Variants in DNAH11 observed in about 807,000 individuals in gnomAD.
DNAH11 encodes the protein dynein axonemal heavy chain 11, also known as axonemal beta dynein heavy chain 11.
DNAH11 carries 442 observed loss-of-function variants against 526.0 expected under a neutral mutation model. The ratio of observed to expected loss-of-function variants is 0.84; its 90% CI spans 0.78 to 0.91. The LOEUF (loss-of-function observed/expected upper bound fraction) is 0.91, where lower values mean the gene tolerates loss of function less well. Ranked by LOEUF, DNAH11 falls within the 40% of genes least tolerant of loss-of-function variation. The pLI is 0.00. For missense variants in DNAH11, 6,989 were observed against 5,448.7 expected (o/e 1.28, Z -8.90); for synonymous variants, 2,461 against 1,935.9 (o/e 1.27, Z -7.12).
chr7:21,871,682 A>G (rs1328321774), intron 73 of DNAH11, among the ~76,000 whole-genome samples: 1 of 152,206 alleles, frequency 6.6e-6, no homozygotes, highest in African/African-American at 2.4e-5. Flanking sequence ...GTTAGTAAGC[A>G]TGTAAAGGAG....
chr7:21,792,810 T>C (rs916466716), intron 61 of DNAH11, among the ~76,000 whole-genome samples: 2 of 152,130 alleles, frequency 1.3e-5, no homozygotes, highest in Non-Finnish European at 2.9e-5. Flanking sequence ...GTTGATTTTG[T>C]TTATCTTTTG....
chr7:21,564,436 G>C, intron 6 of DNAH11, 39 bp downstream of exon 6: 6 of 1,491,918 alleles, frequency 4.0e-6, no homozygotes, highest in Non-Finnish European at 5.6e-6. Flanking sequence ...AAGAATTGTT[G>C]CTGTGAGGTA....
In DNAH11 at chr7:21,840,705, T is replaced by G. The variant is rs556420984; in HGVS notation, c.10692-1839T>G. Among the ~76,000 whole-genome samples the G allele has an allele frequency of 1.7e-4, 26 of 152,300 alleles. No individual in the cohort carries two copies. In the South Asian group the frequency reaches 5.0e-3, roughly 29 times the overall value. On this transcript the variant is annotated intron_variant, in intron 65 of 81. Transcript: ENST00000409508. Reference sequence around the variant, plus strand: ...CATGTACCCCATAAATACATATGATTACTACGTACCCTTAAATTAAAAAAA... The same window carrying G: ...CATGTACCCCATAAATACATATGATGACTACGTACCCTTAAATTAAAAAAA...
At chr7:21,731,371 C>G (rs1234540554) in intron 45 of DNAH11, among the ~76,000 whole-genome samples, 2 of 152,064 alleles carry the variant, frequency 1.3e-5, no homozygotes, top group African/African-American at 4.8e-5. Flanking sequence ...GAAAGATGAT[C>G]ATGGCCATGT....
rs752376981 is a variant in DNAH11, at chr7:21,615,099, A to G, written c.3853-15A>G. ...TCTGGCAGTTTGTATGCAGGTGTTT[A>G]TGTTCTCTCCTTAGGCAAATGAAGA... On this transcript the variant is annotated splice_polypyrimidine_tract_variant and intron_variant, in intron 20 of 81. Transcript: ENST00000409508. 5.0e-6 allele frequency: 8 copies of G among 1,595,252 alleles called. No individual in the cohort carries two copies. The African/African-American group carries it at 6.8e-5, about 14-fold the overall frequency.
intron 76 of DNAH11, among the ~76,000 whole-genome samples, chr7:21,889,327 G>C (rs183033753): frequency 2.0e-4 from 31 of 152,130 alleles, no homozygotes; most frequent in African/African-American, 7.5e-4. Context: ...TCTCCTTCTT[G>C]GCTATTATGA....
intron 30 of DNAH11, among the ~76,000 whole-genome samples, chr7:21,661,899 A>C (rs1782256245): frequency 6.6e-6 from 1 of 151,990 alleles, no homozygotes; most frequent in Non-Finnish European, 1.5e-5. Flanking sequence ...AGCTCACTGC[A>C]ACCTCTACCT....
intron 2 of DNAH11, among the ~76,000 whole-genome samples, chr7:21,551,264 A>G (rs1039401381): frequency 2.6e-5 from 4 of 152,124 alleles, no homozygotes; most frequent in Non-Finnish European, 5.9e-5. Context: ...CTTGTCTTCT[A>G]ATTTCCTCGT....
chr7:21,715,242 T>C (rs1356381955), intron 42 of DNAH11, among the ~76,000 whole-genome samples: 1 of 152,134 alleles, frequency 6.6e-6, no homozygotes, highest in East Asian at 1.9e-4. Flanking sequence ...GCCTGAGTAA[T>C]AAATAAAAAG....
chr7:21,605,344 G>C (rs79156095), intron 18 of DNAH11, among the ~76,000 whole-genome samples: 3 of 152,210 alleles, frequency 2.0e-5, no homozygotes, highest in Non-Finnish European at 2.9e-5. Context: ...GGAGATGACC[G>C]AGAGGAACAA....
chr7:21,876,208 G>A (rs1583801487), intron 74 of DNAH11, among the ~76,000 whole-genome samples: 2 of 152,202 alleles, frequency 1.3e-5, no homozygotes, highest in Admixed American at 1.3e-4. Flanking sequence ...CTTATTTAGT[G>A]GAGAGGATCC....
rs2128052334 is a variant in DNAH11, at chr7:21,900,016, C to T, written c.13199C>T (p.Pro4400Leu). 1.2e-6 allele frequency: 2 copies of T among 1,613,830 alleles called. No homozygotes were observed. Among genetic ancestry groups the T allele is most frequent in the Non-Finnish European group, 1.7e-6 (2 of 1,179,826 alleles). Residue 4400 changes from proline (P) to leucine (L), a missense_variant, in exon 81 of 82, where the codon CCC (proline) becomes CTC (leucine). By Grantham distance (98) the Pro-to-Leu change is moderately conservative. Coordinates refer to ENST00000409508, the MANE Select transcript of DNAH11 (RefSeq NM_001277115.2). The stretch of plus-strand genomic sequence containing the variant: ...ACGATGGCTCGAAAAAATGAGTGGC[C>T]CCTGGATAAAACGCGCTTGACTGCT... Reference protein sequence around the residue: ...MQTMARKNEWPLDKTRLTADV... With the variant: ...MQTMARKNEWLLDKTRLTADV...
intron 25 of DNAH11, among the ~76,000 whole-genome samples, chr7:21,635,457 AT>A (rs1342980173): frequency 6.6e-6 from 1 of 151,994 alleles, no homozygotes; most frequent in Non-Finnish European, 1.5e-5. Flanking sequence ...TGCCCGGCCT[AT>A]TTTTTTAAGA....
At chr7:21,702,876 A>G in intron 37 of DNAH11, 74 bp downstream of exon 37, 1 of 1,265,506 alleles carries the variant, frequency 7.9e-7, no homozygotes, top group East Asian at 2.4e-5. Flanking sequence ...ATATGCCTGG[A>G]TGGTGGGGCA....
chr7:21,722,683 A>G (rs930104883), intron 44 of DNAH11, among the ~76,000 whole-genome samples: 12 of 152,084 alleles, frequency 7.9e-5, no homozygotes, highest in African/African-American at 2.2e-4. Flanking sequence ...TTAGCAGCCA[A>G]TACTGTGTGA....
chr7:21,621,689 A>C (rs1387602781), intron 25 of DNAH11, among the ~76,000 whole-genome samples: 2 of 151,866 alleles, frequency 1.3e-5, no homozygotes, highest in African/African-American at 4.9e-5. Context: ...AATAAATGTA[A>C]TCCAGCATAT....
intron 20 of DNAH11, among the ~76,000 whole-genome samples, chr7:21,610,208 T>G (rs903723625): frequency 6.6e-6 from 1 of 152,076 alleles, no homozygotes; most frequent in Non-Finnish European, 1.5e-5. Context: ...GAGCCGAGAT[T>G]GCGCCACTTC....
chr7:21,694,420 A>G (rs566683936), intron 35 of DNAH11, among the ~76,000 whole-genome samples: 2 of 152,122 alleles, frequency 1.3e-5, no homozygotes, highest in Admixed American at 6.5e-5. Context: ...TCATTGCTCA[A>G]CTGCCACTTA....
intron 29 of DNAH11, among the ~76,000 whole-genome samples, chr7:21,656,311 C>G (rs1365808351): frequency 6.6e-6 from 1 of 152,258 alleles, no homozygotes; most frequent in East Asian, 1.9e-4. Context: ...AAAGAGTATT[C>G]TGTTTTCACC....
Sources: allele counts gnomAD v4.1 joint callset (sites outside exome capture counted in the v4.1 genomes callset), GRCh38; gene constraint gnomAD v4.1.1; transcripts MANE v1.5; gene names NCBI Gene and HGNC (gene_info 2026-07-23, HGNC 2026-07-21).